Variants in GRIA4 observed in about 807,000 individuals in gnomAD.
The protein encoded by GRIA4 is glutamate receptor 4.
GRIA4 carries 34 observed loss-of-function variants against 104.0 expected under a neutral mutation model. The observed-to-expected ratio is 0.33, with a 90% CI of 0.25 to 0.44. The LOEUF (loss-of-function observed/expected upper bound fraction) is 0.44, where lower values mean the gene tolerates loss of function less well. GRIA4 is among the 20% of genes least tolerant of loss of function. GRIA4 has a pLI of 1.00. For missense variants in GRIA4, 750 were observed against 1,096.5 expected (o/e 0.68, Z 4.46); for synonymous variants, 386 against 381.9 (o/e 1.01, Z -0.13).
chr11:105,717,696 C>T (rs1413034003), intron 3 of GRIA4, among the ~76,000 whole-genome samples: 2 of 151,660 alleles, frequency 1.3e-5, no homozygotes, highest in Non-Finnish European at 2.9e-5. Context: ...CCTTTGTTCT[C>T]TCTTTTTTCT....
At chr11:105,759,329 C>T (rs985393000) in intron 4 of GRIA4, among the ~76,000 whole-genome samples, 1 of 152,082 alleles carries the variant, frequency 6.6e-6, no homozygotes, top group East Asian at 1.9e-4. Context: ...CTGCTAAATT[C>T]ATGAAAAAAC....
At chr11:105,796,132 C>A (rs756461765) in intron 4 of GRIA4, among the ~76,000 whole-genome samples, 3 of 152,060 alleles carry the variant, frequency 2.0e-5, no homozygotes, top group Non-Finnish European at 4.4e-5. Context: ...CAGCCAAACC[C>A]TCTCTTTTCT....
intron 4 of GRIA4, among the ~76,000 whole-genome samples, chr11:105,856,247 C>T (rs1945004274): frequency 6.6e-6 from 1 of 152,100 alleles, no homozygotes; most frequent in South Asian, 2.1e-4. Context: ...CTCTAAGACA[C>T]ATTGTTTTGT....
At chr11:105,670,935 C>A (rs550012017) in intron 3 of GRIA4, among the ~76,000 whole-genome samples, 1 of 152,176 alleles carries the variant, frequency 6.6e-6, no homozygotes, top group Non-Finnish European at 1.5e-5. Flanking sequence ...TGTTTCCTTG[C>A]TTCTTCCATC....
At chr11:105,746,741 T>C (rs1409449405) in intron 3 of GRIA4, among the ~76,000 whole-genome samples, 2 of 152,096 alleles carry the variant, frequency 1.3e-5, no homozygotes, top group Non-Finnish European at 2.9e-5. Context: ...AAATGTATAA[T>C]GAGTCTACAG....
intron 11 of GRIA4, among the ~76,000 whole-genome samples, chr11:105,923,889 C>T (rs903149523): frequency 6.6e-6 from 1 of 152,090 alleles, no homozygotes; most frequent in African/African-American, 2.4e-5. Context: ...GCTTTATGAT[C>T]TGTTTACTCA....
intron 4 of GRIA4, among the ~76,000 whole-genome samples, chr11:105,812,941 A>T (rs1943234217): frequency 6.6e-6 from 1 of 151,984 alleles, no homozygotes; most frequent in South Asian, 2.1e-4. Flanking sequence ...CTCTACTAAA[A>T]ATACAAAAAA....
At chr11:105,948,589 C>CTTTTTTTTTTTT (rs1383366276) in intron 14 of GRIA4, among the ~76,000 whole-genome samples, 1 of 111,210 alleles carries the variant, frequency 9.0e-6, no homozygotes, top group Non-Finnish European at 1.8e-5. Flanking sequence ...CTTTTCTTTT[C>CTTTTTTTTTTTT]TTTTTGTTTT....
At chr11:105,615,853 G>C (rs1196680789) in intron 3 of GRIA4, among the ~76,000 whole-genome samples, 1 of 151,608 alleles carries the variant, frequency 6.6e-6, no homozygotes, top group African/African-American at 2.4e-5. Flanking sequence ...TTGACCAAGA[G>C]TAATAACAAA....
intron 5 of GRIA4, among the ~76,000 whole-genome samples, chr11:105,884,536 A>T (rs1946182959): frequency 1.3e-5 from 2 of 152,208 alleles, no homozygotes. Context: ...GCGTTTGTGC[A>T]GTACATTTGT....
chr11:105,635,566 C>T (rs1951181862), intron 3 of GRIA4, among the ~76,000 whole-genome samples: 2 of 152,152 alleles, frequency 1.3e-5, no homozygotes, highest in Admixed American at 1.3e-4. Flanking sequence ...GTGGGACTCA[C>T]AGGGGTGAGT....
At chr11:105,664,442 T>A (rs376113650) in intron 3 of GRIA4, among the ~76,000 whole-genome samples, 1 of 150,768 alleles carries the variant, frequency 6.6e-6, no homozygotes, top group African/African-American at 2.4e-5. Flanking sequence ...ATCAGAATAA[T>A]GTGTTTGATT....
chr11:105,824,182 C>CAGT (rs1943680645), intron 4 of GRIA4, among the ~76,000 whole-genome samples: 1 of 152,062 alleles, frequency 6.6e-6, no homozygotes, highest in South Asian at 2.1e-4. Context: ...CAGACCAATA[C>CAGT]AGTAGGCATA....
In GRIA4 at chr11:105,884,591, C is replaced by G. The variant is rs187849916; in HGVS notation, c.673-2928C>G. Among the ~76,000 whole-genome samples, 68 of 152,262 alleles carry G rather than the reference C, an allele frequency of 4.5e-4. 3 individuals are homozygous for G. In the East Asian group the frequency reaches 0.012, roughly 28 times the overall value. ...TGGCTCAGCAGAGATACTGATGCCTCTAGCATCACCAGCCAGGTAAATAAA... is the reference window on the plus strand; with the variant it reads ...TGGCTCAGCAGAGATACTGATGCCTGTAGCATCACCAGCCAGGTAAATAAA... On this transcript the variant is annotated intron_variant, in intron 5 of 16. Transcript: ENST00000282499.
At chr11:105,663,132 A>T (rs905560553) in intron 3 of GRIA4, among the ~76,000 whole-genome samples, 1 of 151,684 alleles carries the variant, frequency 6.6e-6, no homozygotes, top group Non-Finnish European at 1.5e-5. Context: ...CAACTGTCTT[A>T]AAAAATATAA....
chr11:105,768,012 A>C (rs541170145), intron 4 of GRIA4, among the ~76,000 whole-genome samples: 54 of 152,276 alleles, frequency 3.5e-4, no homozygotes, highest in African/African-American at 1.3e-3. Context: ...CAGTCCCAAC[A>C]GTTCCTGAAA....
At chr11:105,727,131 A>T (rs1938262421) in intron 3 of GRIA4, among the ~76,000 whole-genome samples, 1 of 152,000 alleles carries the variant, frequency 6.6e-6, no homozygotes, top group Admixed American at 6.6e-5. Flanking sequence ...GGAAGCTAAG[A>T]ACTTGGAAAA....
At chr11:105,663,184 G>T (rs1395131878) in intron 3 of GRIA4, among the ~76,000 whole-genome samples, 7 of 151,466 alleles carry the variant, frequency 4.6e-5, no homozygotes, top group Admixed American at 4.6e-4. Flanking sequence ...TTATTACCAA[G>T]TTCATTGATT....
At chr11:105,950,137 G>A (rs1045219545) in intron 14 of GRIA4, among the ~76,000 whole-genome samples, 1 of 152,176 alleles carries the variant, frequency 6.6e-6, no homozygotes, top group Non-Finnish European at 1.5e-5. Flanking sequence ...ATGAATTTGT[G>A]AAGATTTTTG....
Sources: gnomAD v4.1 joint callset for allele counts (sites outside exome capture counted in the v4.1 genomes callset) on GRCh38, gnomAD v4.1.1 for gene constraint, MANE v1.5 for transcripts, NCBI Gene and HGNC (gene_info 2026-07-23, HGNC 2026-07-21) for gene names.